The following RYR3 variants were observed in gnomAD, a reference collection of about 807,000 sequenced individuals.
RYR3 encodes the protein brain ryanodine receptor-calcium release channel.
RYR3 carries 207 observed loss-of-function variants against 584.3 expected under a neutral mutation model. The ratio of observed to expected loss-of-function variants is 0.35; its 90% CI spans 0.32 to 0.40. The LOEUF (loss-of-function observed/expected upper bound fraction) is 0.40, where lower values mean the gene tolerates loss of function less well. Ranked by LOEUF, RYR3 falls within the 10% of genes least tolerant of loss-of-function variation. RYR3 has a pLI of 1.00. For synonymous variants in RYR3, 2,416 were observed against 2,248.5 expected, an observed-to-expected ratio of 1.07 and a Z score of -2.11; for missense variants, 5,616 against 6,089.2, an observed-to-expected ratio of 0.92 and a Z score of 2.59.
At chr15:33,720,889 CT>C (rs2067856565) in intron 43 of RYR3, among the ~76,000 whole-genome samples, 1 of 151,120 alleles carries the variant, frequency 6.6e-6, no homozygotes, top group Non-Finnish European at 1.5e-5. Context: ...AAAAAAAATG[CT>C]TTACTCACAA....
chr15:33,623,284 A>G (rs898599234), intron 19 of RYR3, among the ~76,000 whole-genome samples: 3 of 152,228 alleles, frequency 2.0e-5, no homozygotes, highest in Non-Finnish European at 2.9e-5. Context: ...CCAGCCATGT[A>G]CCATTTGTGA....
At chr15:33,726,235 T>C (rs1181362208) in intron 45 of RYR3, 151 bp from the exon 46 acceptor site, 2 of 784,344 alleles carry the variant, frequency 2.5e-6, no homozygotes, top group African/African-American at 3.5e-5. Flanking sequence ...CTCTCCTCTT[T>C]CCCTGTGGCC....
intron 1 of RYR3, among the ~76,000 whole-genome samples, chr15:33,406,662 C>T: frequency 6.6e-6 from 1 of 152,152 alleles, no homozygotes; most frequent in Non-Finnish European, 1.5e-5. Context: ...CAGGCTGAAG[C>T]CTTGTGTTCT....
intron 3 of RYR3, among the ~76,000 whole-genome samples, chr15:33,524,464 C>T (rs185562486): frequency 5.9e-5 from 9 of 152,222 alleles, no homozygotes; most frequent in South Asian, 2.1e-4. Flanking sequence ...TGTTTTGTTG[C>T]GCCTATTATA....
At chr15:33,345,478 A>T (rs1972340251) in intron 1 of RYR3, among the ~76,000 whole-genome samples, 1 of 152,126 alleles carries the variant, frequency 6.6e-6, no homozygotes, top group South Asian at 2.1e-4. Context: ...TTACCGCTCT[A>T]AAGGCCCATG....
Position 33,807,566 on chromosome 15 carries a change from A to T in RYR3, c.10023A>T (p.Val3341=). The T allele has an allele frequency of 6.4e-7, 1 of 1,551,908 alleles. No homozygotes were observed. The highest frequency in any genetic ancestry group is 1.4e-5 in the African/African-American group (1 of 73,196). ...SKSKMSKAMQ[V]KSGGQDQERK... is the part of the protein sequence containing the mutation. ...GTCTTTCCACACAGGCCATGCAAGT[A>T]AAGGTACAGGTCAAATGCATGACGT... Residue 3341 remains valine, a synonymous_variant, in exon 70 of 104, where the codon GTA becomes GTT. Coordinates refer to ENST00000634891, the MANE Select transcript of RYR3 (RefSeq NM_001036.6).
chr15:33,429,976 C>T (rs916164458), intron 1 of RYR3, among the ~76,000 whole-genome samples: 1 of 152,258 alleles, frequency 6.6e-6, no homozygotes, highest in African/African-American at 2.4e-5. Context: ...TCGTCTAGGG[C>T]CCACAGGGCC....
chr15:33,572,531 G>T (rs184147423), intron 12 of RYR3, among the ~76,000 whole-genome samples: 61 of 151,558 alleles, frequency 4.0e-4, no homozygotes, highest in African/African-American at 1.4e-3. Context: ...TGCCTACTCT[G>T]CCCTGTTGGA....
chr15:33,853,045 A>G lies in RYR3; in HGVS notation c.13629A>G (p.Pro4543=), dbSNP rs762478512. The stretch of plus-strand genomic sequence containing the variant: ...CAACCTTTTTCGTTTTGTTTTTCAG[A>G]TCTTTTCCTAATAACTACTGGGACA... ...GQWDRLVINT[P]SFPNNYWDKF... is the part of the protein sequence containing the mutation. Residue 4543 remains proline, a splice_region_variant and synonymous_variant, in exon 95 of 104, where the codon CCA becomes CCG. Transcript: ENST00000634891. 11 of 1,606,412 alleles carry G rather than the reference A, an allele frequency of 6.8e-6. No homozygotes were observed. In the South Asian group the frequency reaches 1.2e-4, roughly 18 times the overall value.
At position 33,628,569 on chromosome 15, in the gene RYR3, C is replaced by T. The variant is rs1018585519; in HGVS notation, c.2673C>T (p.Phe891=). ...ATAAAATAGAACTTGGCTGGACTTT[C>T]GGCAAGGTATGTGTCTCAGGGCCAG... is the stretch of plus-strand genomic sequence containing the variant. The part of the protein sequence containing the change: ...GMNKIELGWT[F]GKIRDDNKRQ... Residue 891 remains phenylalanine, a synonymous_variant, in exon 21 of 104, where the codon TTC becomes TTT. Transcript: ENST00000634891. 2.8e-5 allele frequency: 45 copies of T among 1,608,032 alleles called. No homozygotes were observed. Among genetic ancestry groups the T allele is most frequent in the East Asian group, 1.6e-4 (7 of 44,858 alleles).
At position 33,859,574 on chromosome 15, in the gene RYR3, G is replaced by GTGT; in HGVS notation, c.14144_14146dup (p.Cys4715dup). On this transcript the variant is annotated inframe_insertion and splice_region_variant. Coordinates refer to ENST00000634891, the MANE Select transcript of RYR3 (RefSeq NM_001036.6). ...AAATCCCCCTTATTTTTCTTCTCTA[G>GTGT]TGTTACCTTTTCCACATGTACGTGG... The GTGT allele has an allele frequency of 6.2e-7, 1 of 1,613,906 alleles. No homozygotes were observed. Among genetic ancestry groups the GTGT allele is most frequent in the South Asian group, 1.1e-5 (1 of 91,038 alleles).
At chr15:33,523,959 A>T (rs1318298688) in intron 3 of RYR3, among the ~76,000 whole-genome samples, 2 of 152,180 alleles carry the variant, frequency 1.3e-5, no homozygotes, top group Admixed American at 6.5e-5. Context: ...GATGCTAGAT[A>T]TGTGTCCCCA....
intron 16 of RYR3, among the ~76,000 whole-genome samples, chr15:33,600,560 G>A (rs929471106): frequency 2.6e-5 from 4 of 152,140 alleles, no homozygotes; most frequent in Non-Finnish European, 4.4e-5. Flanking sequence ...GACAGAGACT[G>A]TTTTGCAGCT....
rs745608821 is a variant in RYR3 at position 33,612,359 on chromosome 15, TTTTG to T, written c.2165-812_2165-809del. Among the ~76,000 whole-genome samples, 28 of 152,212 alleles carry T rather than the reference TTTTG, an allele frequency of 1.8e-4. 1 individual carries two copies. The highest frequency in any genetic ancestry group is 5.3e-4 in the African/African-American group (22 of 41,456). On this transcript the variant is annotated intron_variant, in intron 18 of 103. Transcript: ENST00000634891. Reference sequence around the variant, plus strand: ...ATAAGCAAACTACGTAGCATAGTTTTTTTGTTTGTTTGTTTTTTGAGATGGAGTT... The same window carrying T: ...ATAAGCAAACTACGTAGCATAGTTTTTTTGTTTGTTTTTTGAGATGGAGTT...
intron 20 of RYR3, among the ~76,000 whole-genome samples, chr15:33,627,764 T>A (rs888059144): frequency 2.6e-5 from 4 of 152,126 alleles, no homozygotes; most frequent in Non-Finnish European, 5.9e-5. Context: ...GGTTGCAGTG[T>A]AGAGGATAGA....
At chr15:33,724,253 C>G in intron 45 of RYR3, 77 bp downstream of exon 45, 1 of 780,026 alleles carries the variant, frequency 1.3e-6, no homozygotes. Context: ...AACCTCATTT[C>G]TTCCTCTGTC....
chr15:33,722,809 C>G lies in RYR3; in HGVS notation c.6714C>G (p.Asn2238Lys), dbSNP rs377229802. ...CGGCCCTGCGGGGTGAGGGGGGAAA[C>G]GGGCTCTTGGCAGCCATGCAGGGTG... is the stretch of plus-strand genomic sequence containing the variant. ...FGPALRGEGG[N>K]GLLAAMQGAI... is the part of the protein sequence containing the mutation. Residue 2238 changes from asparagine to lysine, a missense_variant, in exon 44 of 104, where the codon AAC becomes AAG. Physicochemically the swap from Asn to Lys is moderately conservative, Grantham distance 94. Around this residue, in one of 9 missense-constraint regions of RYR3, gnomAD observed 1,280 missense variants for 1,426.2 expected, o/e 0.90. Transcript: ENST00000634891. 1.2e-6 allele frequency: 2 copies of G among 1,613,202 alleles called. No homozygotes were observed. Among genetic ancestry groups the G allele is most frequent in the East Asian group, 4.5e-5 (2 of 44,848 alleles).
intron 89 of RYR3, chr15:33,840,579 T>G: frequency 1.8e-6 from 1 of 552,082 alleles, no homozygotes; most frequent in Non-Finnish European, 3.2e-6. Context: ...AACACAAGTT[T>G]CCTCTTTGAA....
chr15:33,598,824 C>A (rs954171634), intron 16 of RYR3, among the ~76,000 whole-genome samples: 1 of 151,868 alleles, frequency 6.6e-6, no homozygotes, highest in Non-Finnish European at 1.5e-5. Context: ...GAGGCTGAGG[C>A]GGGTGGATCA....
Sources: allele counts gnomAD v4.1 joint callset (sites outside exome capture counted in the v4.1 genomes callset), GRCh38; gene constraint gnomAD v4.1.1; regional missense constraint gnomAD v4.1.1; transcripts MANE v1.5; gene names NCBI Gene and HGNC (gene_info 2026-07-23, HGNC 2026-07-21).